Variants in NCALD observed in about 807,000 individuals in gnomAD.
The protein encoded by NCALD is neurocalcin delta.
Under a neutral mutation model 18.6 loss-of-function variants are expected in NCALD, and 10 were observed. The ratio of observed to expected loss-of-function variants is 0.54; its 90% confidence interval spans 0.33 to 0.91. The LOEUF is 0.91. Ranked by LOEUF, NCALD falls within the 40% of genes least tolerant of loss-of-function variation. The probability of loss-of-function intolerance (pLI) is 0.03; values close to 1 mark genes in which losing one functional copy is unlikely to be tolerated. For synonymous variants in NCALD, 88 were observed against 87.4 expected, an observed-to-expected ratio of 1.01 and a Z score of -0.04; for missense variants, 184 against 247.6, an observed-to-expected ratio of 0.74 and a Z score of 1.72.
chr8:101,820,265 C>G (rs893000081), intron 4 of NCALD, among the ~76,000 whole-genome samples: 1 of 152,138 alleles, frequency 6.6e-6, no homozygotes, highest in Admixed American at 6.5e-5. Flanking sequence ...CATTTTTAAA[C>G]CAGGGACTTT....
At chr8:102,061,033 C>T (rs989205358) in intron 1 of NCALD, among the ~76,000 whole-genome samples, 1 of 152,172 alleles carries the variant, frequency 6.6e-6, no homozygotes, top group South Asian at 2.1e-4. Flanking sequence ...GACTCCCGCC[C>T]CCACAACACA....
chr8:101,829,929 A>G (rs11775612), intron 4 of NCALD, among the ~76,000 whole-genome samples: 1 of 143,732 alleles, frequency 7.0e-6, no homozygotes, highest in Non-Finnish European at 1.5e-5. Context: ...TGTTATTTCC[A>G]CCATTTTTAA....
At chr8:101,963,824 G>A (rs1458820468) in intron 2 of NCALD, among the ~76,000 whole-genome samples, 1 of 152,094 alleles carries the variant, frequency 6.6e-6, no homozygotes, top group Non-Finnish European at 1.5e-5. Context: ...CACCTGGAAA[G>A]ATATTACTAA....
intron 1 of NCALD, among the ~76,000 whole-genome samples, chr8:101,780,469 G>T (rs1479736520): frequency 2.6e-5 from 4 of 152,114 alleles, no homozygotes; most frequent in African/African-American, 9.7e-5. Context: ...TAGTTGAATA[G>T]CTTATGCAAG....
chr8:101,938,993 G>A (rs1426039217), intron 2 of NCALD, among the ~76,000 whole-genome samples: 3 of 152,232 alleles, frequency 2.0e-5, no homozygotes, highest in Non-Finnish European at 4.4e-5. Context: ...AGATCTATCA[G>A]TGCTTGGATC....
chr8:101,790,946 T>A lies in NCALD; in HGVS notation c.-104A>T, dbSNP rs1812422497. 6.6e-6 allele frequency: 1 copy of A among 152,310 alleles called. No individual in the cohort carries two copies. Among genetic ancestry groups the A allele is most frequent in the Non-Finnish European group, 1.5e-5 (1 of 68,116 alleles). The allele number at this position is 152,310 out of a possible 1,614,324, so 9.4% of individuals were successfully genotyped here. ...GTAGCAGCAGCAGCAAGGTCCAGCA[T>A]CCACCAGATTCTCACAAGCCTTTGA... On this transcript the variant is annotated 5_prime_UTR_variant, in exon 1 of 4. It removes an upstream start codon present in the reference 5' UTR. Transcript: ENST00000220931.
At chr8:101,824,011 T>G (rs923404984) in intron 4 of NCALD, among the ~76,000 whole-genome samples, 2 of 152,218 alleles carry the variant, frequency 1.3e-5, no homozygotes, top group African/African-American at 4.8e-5. Context: ...ATGCAAACGC[T>G]ACAATTATCC....
chr8:101,787,057 C>A (rs1408854208), intron 1 of NCALD, among the ~76,000 whole-genome samples: 1 of 152,112 alleles, frequency 6.6e-6, no homozygotes, highest in Non-Finnish European at 1.5e-5. Context: ...TTTATGGTAT[C>A]ACTTCTGAAA....
At chr8:102,103,634 A>G (rs1825358163) in intron 1 of NCALD, among the ~76,000 whole-genome samples, 1 of 152,114 alleles carries the variant, frequency 6.6e-6, no homozygotes, top group Non-Finnish European at 1.5e-5. Flanking sequence ...AGCTCACTGC[A>G]GCCTTGACCT....
intron 1 of NCALD, among the ~76,000 whole-genome samples, chr8:102,070,299 C>T (rs1412601163): frequency 6.6e-6 from 1 of 151,840 alleles, no homozygotes; most frequent in Non-Finnish European, 1.5e-5. Flanking sequence ...TTTAAAAGAA[C>T]GACATATATA....
At chr8:101,902,036 C>T (rs1817444777) in intron 3 of NCALD, among the ~76,000 whole-genome samples, 1 of 152,164 alleles carries the variant, frequency 6.6e-6, no homozygotes, top group Non-Finnish European at 1.5e-5. Context: ...AGTGATCCAC[C>T]CACCTCAGCC....
At chr8:101,714,859 C>T (rs191649260) in intron 2 of NCALD, among the ~76,000 whole-genome samples, 5,087 of 150,568 alleles carry the variant, frequency 0.034, 157 homozygotes, top group Middle Eastern at 0.13. Flanking sequence ...TAGCCGGGCG[C>T]GGTGGCGGGC....
chr8:101,891,526 G>A (rs907224530), intron 3 of NCALD, among the ~76,000 whole-genome samples: 3 of 152,204 alleles, frequency 2.0e-5, no homozygotes, highest in African/African-American at 7.2e-5. Context: ...TGGCCAAATA[G>A]GAACAGCTCC....
At chr8:102,038,995 C>A (rs1322786252) in intron 1 of NCALD, among the ~76,000 whole-genome samples, 1 of 152,154 alleles carries the variant, frequency 6.6e-6, no homozygotes, top group African/African-American at 2.4e-5. Flanking sequence ...ATCACAGGAG[C>A]CCTCTAAAAG....
rs575425111 is a variant in NCALD at position 101,739,632 on chromosome 8, G to A, written c.-19-19984C>T. Among the ~76,000 whole-genome samples, 19 of 147,830 alleles carry A rather than the reference G, an allele frequency of 1.3e-4. No homozygotes were observed. The South Asian group carries it at 4.0e-3, about 31-fold the overall frequency. ...CTTCCGGCTTCCATCTTTCTCCCCTGCTGGATGCTTACTGCCCTGGAACAT... is the reference window on the plus strand; with the variant it reads ...CTTCCGGCTTCCATCTTTCTCCCCTACTGGATGCTTACTGCCCTGGAACAT... On this transcript the variant is annotated intron_variant, in intron 1 of 3. Coordinates refer to ENST00000220931, the MANE Select transcript of NCALD (RefSeq NM_032041.3).
At chr8:101,913,783 T>C (rs1817883275) in intron 3 of NCALD, among the ~76,000 whole-genome samples, 1 of 152,218 alleles carries the variant, frequency 6.6e-6, no homozygotes, top group Non-Finnish European at 1.5e-5. Flanking sequence ...GGCTTCTCCA[T>C]GTTGGCCAGG....
intron 1 of NCALD, among the ~76,000 whole-genome samples, chr8:101,733,251 T>A (rs952619758): frequency 6.6e-6 from 1 of 152,214 alleles, no homozygotes; most frequent in African/African-American, 2.4e-5. Context: ...CATTAATTGG[T>A]GAACAGAAAG....
intron 1 of NCALD, among the ~76,000 whole-genome samples, chr8:102,045,700 C>A (rs76234508): frequency 6.6e-6 from 1 of 152,056 alleles, no homozygotes; most frequent in Non-Finnish European, 1.5e-5. Flanking sequence ...TGCCCATACA[C>A]GTATATTTAA....
At chr8:101,995,904 T>C (rs1382623401) in intron 2 of NCALD, among the ~76,000 whole-genome samples, 2 of 152,222 alleles carry the variant, frequency 1.3e-5, no homozygotes, top group Non-Finnish European at 2.9e-5. Context: ...GAGCATCCTA[T>C]AACTAACTTC....
Sources: allele counts gnomAD v4.1 joint callset (sites outside exome capture counted in the v4.1 genomes callset), GRCh38; gene constraint gnomAD v4.1.1; transcripts MANE v1.5; gene names NCBI Gene and HGNC (gene_info 2026-07-23, HGNC 2026-07-21).